Variants in ARHGAP28 observed in about 807,000 individuals in gnomAD.
The protein encoded by ARHGAP28 is Rho GTPase activating protein 28, also known as rho GTPase-activating protein 28.
ARHGAP28 carries 56 observed loss-of-function variants against 90.7 expected under a neutral mutation model. That is an observed-to-expected ratio of 0.62 (90% CI 0.50 to 0.77). The LOEUF is 0.77. ARHGAP28 is among the 30% of genes least tolerant of loss of function. ARHGAP28 has a pLI of 0.00. For synonymous variants in ARHGAP28, 308 were observed against 323.3 expected (o/e 0.95, Z 0.51); for missense variants, 869 against 900.9 (o/e 0.96, Z 0.45).
At chr18:6,776,015 C>T (rs1600172571) in intron 1 of ARHGAP28, among the ~76,000 whole-genome samples, 1 of 152,084 alleles carries the variant, frequency 6.6e-6, no homozygotes, top group East Asian at 1.9e-4. Context: ...ATGAACAACA[C>T]TTAGCCTACC....
At chr18:6,861,067 T>A (rs973346090) in intron 5 of ARHGAP28, among the ~76,000 whole-genome samples, 1 of 152,228 alleles carries the variant, frequency 6.6e-6, no homozygotes, top group African/African-American at 2.4e-5. Context: ...GTCTGGTAAC[T>A]GTTCGAATAA....
chr18:6,894,820 CTG>C lies in ARHGAP28; in HGVS notation c.1849-11_1849-10del. On this transcript the variant is annotated splice_polypyrimidine_tract_variant and intron_variant, in intron 14 of 17. Transcript: ENST00000383472. Reference sequence around the variant, plus strand: ...GTTTTCTCAACATTACTCCTAAAGACTGTGTTTCTTTTAGACTGCAAGCCCCA... The same window carrying C: ...GTTTTCTCAACATTACTCCTAAAGACTGTTTCTTTTAGACTGCAAGCCCCA... 3 of 1,612,856 alleles carry C rather than the reference CTG, an allele frequency of 1.9e-6. No homozygotes were observed. Among genetic ancestry groups the C allele is most frequent in the Non-Finnish European group, 2.5e-6 (3 of 1,179,002 alleles).
At chr18:6,896,359 A>G in intron 15 of ARHGAP28, 143 bp from the exon 16 acceptor site, 1 of 931,780 alleles carries the variant, frequency 1.1e-6, no homozygotes, top group Non-Finnish European at 1.5e-6. Context: ...AAAGAAAGTA[A>G]TGTTCCATTC....
chr18:6,851,190 AGC>A, intron 4 of ARHGAP28, 64 bp downstream of exon 4: 5 of 1,480,696 alleles, frequency 3.4e-6, no homozygotes, highest in Middle Eastern at 1.7e-4. Flanking sequence ...AAGATGGTTG[AGC>A]AAAACTTGAA....
At chr18:6,784,682 G>A (rs1364626614) in intron 1 of ARHGAP28, among the ~76,000 whole-genome samples, 1 of 152,172 alleles carries the variant, frequency 6.6e-6, no homozygotes, top group Non-Finnish European at 1.5e-5. Context: ...CGCAGTAGGA[G>A]GTACATAACA....
At chr18:6,907,528 G>T (rs547728495) in intron 16 of ARHGAP28, among the ~76,000 whole-genome samples, 26 of 149,444 alleles carry the variant, frequency 1.7e-4, no homozygotes, top group East Asian at 6.0e-4. Context: ...TATGCCAAGT[G>T]GGGAAAAAAA....
At position 6,909,000 on chromosome 18, in the gene ARHGAP28, T is replaced by G. The variant is rs556949087; in HGVS notation, c.2071T>G (p.Leu691Val). The G allele has an allele frequency of 6.5e-7, 1 of 1,534,932 alleles. No homozygotes were observed. Among genetic ancestry groups the G allele is most frequent in the Non-Finnish European group, 9.0e-7 (1 of 1,113,128 alleles). The part of the protein sequence containing the change: ...SECIKIQNQR[L>V]YEIGGNIGEH... The stretch of plus-strand genomic sequence containing the variant: ...ATGTATTAAGATTCAGAACCAAAGG[T>G]TATATGAAATTGGAGGAAATATAGG... The change falls in exon 17 of 18, where the codon TTA (leucine) becomes GTA (valine). Residue 691 changes from leucine (L) to valine (V), a missense_variant. Coordinates refer to ENST00000383472, the MANE Select transcript of ARHGAP28 (RefSeq NM_001366230.1).
At chr18:6,751,555 T>C (rs1461548394) in intron 1 of ARHGAP28, among the ~76,000 whole-genome samples, 3 of 152,214 alleles carry the variant, frequency 2.0e-5, no homozygotes, top group Non-Finnish European at 4.4e-5. Context: ...ATGATGGCCA[T>C]GAGGAATATA....
intron 1 of ARHGAP28, among the ~76,000 whole-genome samples, chr18:6,752,302 C>T (rs759949251): frequency 1.3e-5 from 2 of 152,190 alleles, no homozygotes; most frequent in East Asian, 3.9e-4. Flanking sequence ...GTTCTATAAA[C>T]ACAATTTCTG....
intron 16 of ARHGAP28, among the ~76,000 whole-genome samples, chr18:6,900,281 A>G (rs1433337602): frequency 1.8e-5 from 2 of 110,820 alleles, no homozygotes; most frequent in African/African-American, 6.9e-5. Flanking sequence ...AAAATCACTC[A>G]TAAAAGCAAA....
intron 3 of ARHGAP28, among the ~76,000 whole-genome samples, chr18:6,839,577 G>C (rs141645252): frequency 1.1e-4 from 16 of 152,148 alleles, no homozygotes; most frequent in African/African-American, 3.4e-4. Flanking sequence ...GATTACAGGC[G>C]TGAGCCACTG....
chr18:6,822,845 C>T (rs916202952), intron 1 of ARHGAP28, among the ~76,000 whole-genome samples: 1 of 152,100 alleles, frequency 6.6e-6, no homozygotes, highest in African/African-American at 2.4e-5. Flanking sequence ...AGCATATGAG[C>T]AAATGGAAAT....
chr18:6,893,307 C>T (rs1228236215), intron 14 of ARHGAP28, among the ~76,000 whole-genome samples: 1 of 152,150 alleles, frequency 6.6e-6, no homozygotes, highest in African/African-American at 2.4e-5. Flanking sequence ...GCCAGAAATG[C>T]AGGCTGTTAT....
intron 16 of ARHGAP28, among the ~76,000 whole-genome samples, chr18:6,903,151 G>A (rs1251072930): frequency 6.6e-6 from 1 of 152,064 alleles, no homozygotes; most frequent in African/African-American, 2.4e-5. Flanking sequence ...AGAGGAAGGG[G>A]AAAATGGGGA....
At chr18:6,845,926 T>C (rs112807829) in intron 3 of ARHGAP28, among the ~76,000 whole-genome samples, 72 of 152,330 alleles carry the variant, frequency 4.7e-4, no homozygotes, top group African/African-American at 1.7e-3. Flanking sequence ...TTGTCCATTT[T>C]AGTACAGAGT....
chr18:6,755,467 G>A (rs1311389045), intron 1 of ARHGAP28, among the ~76,000 whole-genome samples: 4 of 152,120 alleles, frequency 2.6e-5, no homozygotes, highest in Non-Finnish European at 4.4e-5. Flanking sequence ...AAGGAGAAAC[G>A]GGGAAAAGCA....
At chr18:6,884,871 A>G (rs972761408) in intron 11 of ARHGAP28, among the ~76,000 whole-genome samples, 45 of 152,178 alleles carry the variant, frequency 3.0e-4, no homozygotes, top group African/African-American at 1.1e-3. Flanking sequence ...AGAAGGGTAT[A>G]TGAATATATT....
At position 6,870,468 on chromosome 18, in the gene ARHGAP28, A is replaced by G. The variant is rs113399281; in HGVS notation, c.812-122A>G. The G allele has an allele frequency of 2.0e-6, 2 of 1,024,434 alleles. 1 individual carries two copies. Among genetic ancestry groups the G allele is most frequent in the South Asian group, 3.0e-5 (2 of 67,028 alleles). The allele number at this position is 1,024,434 out of a possible 1,614,324, so 63.5% of individuals were successfully genotyped here. On this transcript the variant is annotated intron_variant, in intron 6 of 17. Coordinates refer to ENST00000383472, the MANE Select transcript of ARHGAP28 (RefSeq NM_001366230.1). ...GGGTGAGTCTGCTGCTTTTCCTCGC[A>G]TATAAACACTGTAACGTGCTTGTGG... is the stretch of plus-strand genomic sequence containing the variant.
intron 7 of ARHGAP28, among the ~76,000 whole-genome samples, chr18:6,871,596 G>T (rs192564294): frequency 6.6e-6 from 1 of 152,136 alleles, no homozygotes; most frequent in Non-Finnish European, 1.5e-5. Flanking sequence ...AATAGAGAAC[G>T]ATGTAACATT....
Sources: allele counts gnomAD v4.1 joint callset (sites outside exome capture counted in the v4.1 genomes callset), GRCh38; gene constraint gnomAD v4.1.1; transcripts MANE v1.5; gene names NCBI Gene and HGNC (gene_info 2026-07-23, HGNC 2026-07-21).